FAM53A: variants seen among roughly 807,000 people sequenced by gnomAD.
FAM53A encodes protein FAM53A.
A neutral mutation model predicts 26.6 loss-of-function variants in FAM53A; 28 were observed. That is an observed-to-expected ratio of 1.05 (90% CI 0.78 to 1.45). The LOEUF is 1.45. Among genes scored for constraint, FAM53A ranks in the 40% most tolerant of loss-of-function variants. FAM53A has a pLI of 0.00. For missense variants in FAM53A, 650 were observed against 575.8 expected, an observed-to-expected ratio of 1.13 and a Z score of -1.32; for synonymous variants, 290 against 253.1, an observed-to-expected ratio of 1.15 and a Z score of -1.38.
At chr4:1,615,264 C>T (rs1337113683), downstream of FAM53A, among the ~76,000 whole-genome samples, 1 of 146,794 alleles carries the variant, frequency 6.8e-6, no homozygotes, top group Non-Finnish European at 1.5e-5. Context: ...AGGATGTGGC[C>T]ACGCCCACCC....
intron 1 of FAM53A, among the ~76,000 whole-genome samples, chr4:1,673,224 C>T (rs114982947): frequency 0.02 from 3,048 of 152,288 alleles, 118 homozygotes; most frequent in African/African-American, 0.069. Flanking sequence ...CAATGCAGCA[C>T]GTGACCCTGG....
chr4:1,655,466 G>A lies in FAM53A; in HGVS notation c.394C>T (p.Arg132Cys), dbSNP rs199566123. The stretch of plus-strand genomic sequence containing the variant: ...CCGGGGCGCCAGGGGGACCGGCAGC[G>A]CACAAGCTCCTCGGGTTCTGACAAG... ...RSLSEPEELV[R>C]CRSPWRPGSS... Residue 132 changes from arginine to cysteine, a missense_variant, in exon 4 of 5, where the codon CGC (arginine) becomes TGC (cysteine). Physicochemically the swap from Arg to Cys is radical, Grantham distance 180 (BLOSUM62 -3). Transcript: ENST00000308132. The A allele has an allele frequency of 1.0e-4, 160 of 1,564,196 alleles. No individual in the cohort carries two copies. In the African/African-American group the frequency reaches 1.3e-3, roughly 12 times the overall value.
the FAM53A span, among the ~76,000 whole-genome samples, chr4:1,579,355 C>T: frequency 4.6e-5 from 7 of 151,884 alleles, no homozygotes; most frequent in Admixed American, 4.6e-4. Flanking sequence ...CTACCCCGGC[C>T]GCCCTCGGGC....
At chr4:1,598,622 T>A in the FAM53A span, among the ~76,000 whole-genome samples, 2 of 152,202 alleles carry the variant, frequency 1.3e-5, no homozygotes, top group Admixed American at 1.3e-4. Flanking sequence ...CCCGGTTTGA[T>A]GCCTTTTCTC....
the FAM53A span, among the ~76,000 whole-genome samples, chr4:1,597,204 G>A: frequency 1.4e-5 from 2 of 139,250 alleles, no homozygotes; most frequent in South Asian, 2.2e-4. Context: ...GCCAGACATC[G>A]GCAGGGCCCT....
Position 1,659,984 on chromosome 4 carries a change from A to G in FAM53A, c.76-2516T>C, listed in dbSNP as rs1204692184. ...GGGTTTCGGGGAATGTGAACATGCA[A>G]CCCTTAAGCCTAAGGAAATCTGGAC... is the stretch of plus-strand genomic sequence containing the variant. On this transcript the variant is annotated intron_variant, in intron 2 of 4. Transcript: ENST00000308132. The surrounding 1 kb of genome is among the most constrained non-coding windows in gnomAD (Gnocchi z 5.2). Among the ~76,000 whole-genome samples, 1 of 152,142 alleles carries G rather than the reference A, an allele frequency of 6.6e-6. No individual in the cohort carries two copies. The highest frequency in any genetic ancestry group is 1.5e-5 in the Non-Finnish European group (1 of 68,008).
At chr4:1,668,536 C>T in intron 2 of FAM53A, 131 bp downstream of exon 2, 1 of 898,374 alleles carries the variant, frequency 1.1e-6, no homozygotes, top group South Asian at 1.6e-5. Context: ...CCAGACACCC[C>T]CATCCCTGGC....
rs1713251889 is a variant in FAM53A at position 1,655,346 on chromosome 4, T to A, written c.514A>T (p.Ser172Cys). 1 of 1,436,858 alleles carries A rather than the reference T, an allele frequency of 7.0e-7. No individual in the cohort carries two copies. Among genetic ancestry groups the A allele is most frequent in the Non-Finnish European group, 9.1e-7 (1 of 1,098,158 alleles). 89.0% of individuals were successfully genotyped at this position (1,436,858 alleles called of 1,614,324 possible). ...QGSPGAVLPR[S>C]AVWSTGPTSP... The stretch of plus-strand genomic sequence containing the variant: ...GTGGGACCGGTCGACCACACAGCAC[T>A]CCTCGGCAGGACGGCGCCGGGGCTT... Residue 172 changes from serine (S) to cysteine (C), a missense_variant, in exon 4 of 5, where the codon AGT becomes TGT. Ser to Cys is a moderately radical substitution (Grantham distance 112, BLOSUM62 -1). Coordinates refer to ENST00000308132, the MANE Select transcript of FAM53A (RefSeq NM_001174070.3).
the FAM53A span, among the ~76,000 whole-genome samples, chr4:1,586,439 C>G: frequency 6.6e-6 from 1 of 151,802 alleles, no homozygotes; most frequent in Admixed American, 6.6e-5. Flanking sequence ...AGGTGGTCCA[C>G]CCCCCCAGCC....
downstream of FAM53A, among the ~76,000 whole-genome samples, chr4:1,639,190 T>A (rs915795577): frequency 1.3e-5 from 2 of 152,060 alleles, no homozygotes; most frequent in African/African-American, 4.8e-5. Flanking sequence ...CAGTGGCCGG[T>A]GCCCTGGAGG....
chr4:1,576,256 T>G, the FAM53A span, among the ~76,000 whole-genome samples: 1 of 152,224 alleles, frequency 6.6e-6, no homozygotes, highest in Admixed American at 6.5e-5. Context: ...GGGTAATATG[T>G]GCTCATTACA....
At chr4:1,618,317 G>A (rs1292939797) in intron 1 of FAM53A, among the ~76,000 whole-genome samples, 1 of 152,196 alleles carries the variant, frequency 6.6e-6, no homozygotes, top group Non-Finnish European at 1.5e-5. Context: ...GTAGGCGGGT[G>A]AGTGAATGGC....
At chr4:1,596,967 C>T in the FAM53A span, among the ~76,000 whole-genome samples, 1 of 152,122 alleles carries the variant, frequency 6.6e-6, no homozygotes, top group African/African-American at 2.4e-5. Context: ...CCCTGGGCAG[C>T]TCCGCACCCT....
At chr4:1,681,632 G>A (rs902810849) in intron 1 of FAM53A, among the ~76,000 whole-genome samples, 6 of 151,634 alleles carry the variant, frequency 4.0e-5, no homozygotes, top group Non-Finnish European at 2.9e-5. Context: ...AAGTAGCCAG[G>A]ACTACAGGTG....
rs563741553 is a variant in FAM53A at position 1,662,946 on chromosome 4, C to A, written c.76-5478G>T. Among the ~76,000 whole-genome samples, 9 of 152,176 alleles carry A rather than the reference C, an allele frequency of 5.9e-5. No homozygotes were observed. The South Asian group carries it at 1.7e-3, about 28-fold the overall frequency. On this transcript the variant is annotated intron_variant, in intron 2 of 4. Coordinates refer to ENST00000308132, the MANE Select transcript of FAM53A (RefSeq NM_001174070.3). ...ACAGTGGCTCATGCCTGTAATCCCACCACTCTGGGGGGCCGAGGCAGGCGG... is the reference window on the plus strand; with the variant it reads ...ACAGTGGCTCATGCCTGTAATCCCAACACTCTGGGGGGCCGAGGCAGGCGG...
chr4:1,675,891 G>A (rs981640032), intron 1 of FAM53A, among the ~76,000 whole-genome samples: 5 of 152,206 alleles, frequency 3.3e-5, no homozygotes, highest in South Asian at 2.1e-4. Context: ...GGAGCTCCAC[G>A]GGGGCAGCAG....
intron 1 of FAM53A, among the ~76,000 whole-genome samples, chr4:1,671,189 A>G (rs75946995): frequency 3.0e-3 from 239 of 79,568 alleles, no homozygotes; most frequent in Middle Eastern, 0.011. Context: ...TCACAGCCAC[A>G]GCCCGGACTC....
Position 1,655,471 on chromosome 4 carries a change from A to G in FAM53A, c.389T>C (p.Leu130Pro). 2 of 1,567,322 alleles carry G rather than the reference A, an allele frequency of 1.3e-6. No homozygotes were observed. Among genetic ancestry groups the G allele is most frequent in the South Asian group, 1.2e-5 (1 of 86,934 alleles). The change falls in exon 4 of 5, where the codon CTT becomes CCT. Residue 130 changes from leucine to proline, a missense_variant. Physicochemically the swap from Leu to Pro is moderately conservative, Grantham distance 98. Coordinates refer to ENST00000308132, the MANE Select transcript of FAM53A (RefSeq NM_001174070.3). ...HCRSLSEPEE[L>P]VRCRSPWRPG... is the part of the protein sequence containing the mutation. ...GCGCCAGGGGGACCGGCAGCGCACA[A>G]GCTCCTCGGGTTCTGACAAGGACCG...
At position 1,655,541 on chromosome 4, in the gene FAM53A, C is replaced by A. The variant is rs765268804; in HGVS notation, c.319G>T (p.Glu107Ter). 18 of 1,562,598 alleles carry A rather than the reference C, an allele frequency of 1.2e-5. 2 individuals carry two copies. The Middle Eastern group carries it at 1.9e-3, about 163-fold the overall frequency. The change falls in exon 4 of 5, where the codon GAA becomes TAA. Residue 107 changes from glutamate to a stop codon, truncating the protein, a stop_gained. Transcript: ENST00000308132. LOFTEE classifies it high-confidence loss of function. The stretch of plus-strand genomic sequence containing the variant: ...GGGGCCGTGGACGAGCCTGTGCTTT[C>A]ACTGGGGTCCACGGTGCTGGCTGCA... The part of the protein sequence containing the change: ...LGAASTVDPS[E>*]STGSSTAPPT...
Sources: gnomAD v4.1 joint callset for allele counts (sites outside exome capture counted in the v4.1 genomes callset) on GRCh38, gnomAD v4.1.1 for gene constraint, Gnocchi (gnomAD v3.1) non-coding constraint, MANE v1.5 for transcripts, NCBI Gene and HGNC (gene_info 2026-07-23, HGNC 2026-07-21) for gene names.